Variants in TRIP12 observed in about 807,000 individuals in gnomAD.
The protein encoded by TRIP12 is thyroid hormone receptor interactor 12.
A neutral mutation model predicts 244.2 loss-of-function variants in TRIP12; 25 were observed. That is an observed-to-expected ratio of 0.10 (90% CI 0.07 to 0.14). The LOEUF (loss-of-function observed/expected upper bound fraction) is 0.14, where lower values mean the gene tolerates loss of function less well. Among genes scored for constraint, TRIP12 ranks in the 10% least tolerant of loss-of-function variants. The pLI is 1.00. For missense variants in TRIP12, 1,677 were observed against 2,486.4 expected (o/e 0.67, Z 6.92); for synonymous variants, 905 against 873.1 (o/e 1.04, Z -0.64).
chr2:229,837,071 A>G, intron 5 of TRIP12, 87 bp from the exon 6 acceptor site: 1 of 1,314,922 alleles, frequency 7.6e-7, no homozygotes, highest in Non-Finnish European at 9.8e-7. Context: ...TTCATGGAGC[A>G]CAAAGCCAGT....
intron 8 of TRIP12, among the ~76,000 whole-genome samples, chr2:229,822,458 G>A (rs1317816987): frequency 6.6e-6 from 1 of 152,172 alleles, no homozygotes. Flanking sequence ...AGAAAACAGT[G>A]ACTAGCAAGA....
intron 1 of TRIP12, among the ~76,000 whole-genome samples, chr2:229,882,303 T>A (rs1435393218): frequency 6.6e-6 from 1 of 152,194 alleles, no homozygotes; most frequent in Non-Finnish European, 1.5e-5. Flanking sequence ...TGGGAAAGGC[T>A]TCACCATAAA....
At chr2:229,917,336 G>A (rs761258481) in intron 1 of TRIP12, among the ~76,000 whole-genome samples, 15 of 116,348 alleles carry the variant, frequency 1.3e-4, no homozygotes, top group Admixed American at 6.4e-4. Flanking sequence ...AGCCAAGATC[G>A]CGCCATTGCA....
chr2:229,791,410 A>T (rs1247665987), intron 29 of TRIP12, among the ~76,000 whole-genome samples, 159 bp from the exon 30 acceptor site: 2 of 152,230 alleles, frequency 1.3e-5, no homozygotes, highest in South Asian at 4.1e-4. Flanking sequence ...AGAAGAGATC[A>T]CCTAGAGACC....
chr2:229,921,961 C>CGCGGCG lies in TRIP12; in HGVS notation c.-137_-132dup, dbSNP rs1284087685. 6.2e-5 allele frequency: 9 copies of CGCGGCG among 145,780 alleles called. No individual in the cohort carries two copies. The highest frequency in any genetic ancestry group is 2.3e-4 in the African/African-American group (9 of 39,102). 9.0% of individuals were successfully genotyped at this position (145,780 alleles called of 1,614,324 possible). A position where few individuals can be genotyped will look rare whatever the true frequency, so the allele number is the denominator to read the frequency against. On this transcript the variant is annotated 5_prime_UTR_variant, in exon 1 of 42. Transcript: ENST00000675903. ...TAGCTCCCCCCACCCCCCCCAGCGG[C>CGCGGCG]GCGGCGGCGGCGGCTCCGGGTTCCT...
intron 9 of TRIP12, among the ~76,000 whole-genome samples, chr2:229,816,338 A>C (rs911042463): frequency 3.3e-5 from 5 of 151,984 alleles, no homozygotes; most frequent in African/African-American, 4.8e-5. Flanking sequence ...AAAAAAAAAA[A>C]AAACTATCAA....
At chr2:229,860,265 C>T (rs138640407) in intron 3 of TRIP12, 141 bp downstream of exon 3, 2 of 1,049,230 alleles carry the variant, frequency 1.9e-6, no homozygotes, top group East Asian at 5.0e-5. Flanking sequence ...AGGTGATAAA[C>T]TGTCAATCCT....
intron 1 of TRIP12, among the ~76,000 whole-genome samples, chr2:229,892,476 T>G (rs1464511350): frequency 6.6e-6 from 1 of 152,136 alleles, no homozygotes; most frequent in Non-Finnish European, 1.5e-5. Flanking sequence ...TTGGAAAAAT[T>G]TCATAACTAA....
Position 229,880,258 on chromosome 2 carries a change from G to A in TRIP12, c.-49-130C>T. 3 of 612,350 alleles carry A rather than the reference G, an allele frequency of 4.9e-6. No individual in the cohort carries two copies. The South Asian group carries it at 6.2e-5, about 13-fold the overall frequency. The allele number at this position is 612,350 out of a possible 1,614,324, so 37.9% of individuals were successfully genotyped here. On this transcript the variant is annotated intron_variant, in intron 1 of 41. Coordinates refer to ENST00000675903, the MANE Select transcript of TRIP12 (RefSeq NM_001348323.3). Reference sequence around the variant, plus strand: ...TGATTTTACAGCCTTCACCCATGCTGCAATGTCTCACTGAACTGTGAAGTC... The same window carrying A: ...TGATTTTACAGCCTTCACCCATGCTACAATGTCTCACTGAACTGTGAAGTC...
intron 12 of TRIP12, 91 bp downstream of exon 12, chr2:229,814,142 A>G (rs997506994): frequency 1.3e-6 from 2 of 1,532,008 alleles, no homozygotes; most frequent in African/African-American, 2.8e-5. Context: ...TTTGTATCTT[A>G]CAAAAACTGC....
chr2:229,906,518 G>A (rs1481343609), intron 1 of TRIP12, among the ~76,000 whole-genome samples: 4 of 150,866 alleles, frequency 2.7e-5, no homozygotes, highest in Non-Finnish European at 3.0e-5. Flanking sequence ...TCAAGAGATC[G>A]AGACCATCCT....
At chr2:229,789,010 C>T (rs2040756067) in intron 31 of TRIP12, 70 bp from the exon 32 acceptor site, 2 of 1,408,216 alleles carry the variant, frequency 1.4e-6, no homozygotes, top group Non-Finnish European at 9.7e-7. Flanking sequence ...CAATCTCTTC[C>T]ATTATCCCCA....
At chr2:229,821,460 C>G (rs1016196446) in intron 8 of TRIP12, among the ~76,000 whole-genome samples, 2 of 152,116 alleles carry the variant, frequency 1.3e-5, no homozygotes, top group South Asian at 2.1e-4. Context: ...TTGGGCTTTA[C>G]AGGCATATGG....
intron 38 of TRIP12, among the ~76,000 whole-genome samples, chr2:229,772,975 A>G (rs1044461989): frequency 6.6e-6 from 1 of 152,172 alleles, no homozygotes; most frequent in Non-Finnish European, 1.5e-5. Flanking sequence ...CATTGGTAAT[A>G]AGGATCTATA....
chr2:229,819,979 A>C (rs1037141576), intron 8 of TRIP12, among the ~76,000 whole-genome samples: 6 of 152,230 alleles, frequency 3.9e-5, no homozygotes, highest in African/African-American at 1.4e-4. Flanking sequence ...AATCCATCCA[A>C]AAATACACCA....
intron 19 of TRIP12, 53 bp downstream of exon 19, chr2:229,803,946 T>A: frequency 6.8e-7 from 1 of 1,473,646 alleles, no homozygotes; most frequent in Non-Finnish European, 9.2e-7. Flanking sequence ...TTTCTGAAAT[T>A]ACTTGCAGAG....
In TRIP12 at chr2:229,778,820, G is replaced by A; in HGVS notation, c.5209+56C>T. 6.7e-7 allele frequency: 1 copy of A among 1,487,342 alleles called. No individual in the cohort carries two copies. Among genetic ancestry groups the A allele is most frequent in the Non-Finnish European group, 9.4e-7 (1 of 1,069,402 alleles). 92.1% of individuals were successfully genotyped at this position (1,487,342 alleles called of 1,614,324 possible). ...ATTAAATATGTCTAATAAACTGTCA[G>A]AGTCCATTACCTGATCTGAGTAACA... On this transcript the variant is annotated intron_variant, in intron 35 of 41. Coordinates refer to ENST00000675903, the MANE Select transcript of TRIP12 (RefSeq NM_001348323.3). The surrounding 1 kb of genome is among the most constrained non-coding windows in gnomAD (Gnocchi z 4.1).
At chr2:229,783,417 G>T (rs893473944) in intron 34 of TRIP12, among the ~76,000 whole-genome samples, 1 of 152,184 alleles carries the variant, frequency 6.6e-6, no homozygotes, top group Admixed American at 6.5e-5. Flanking sequence ...ATAATCGTAA[G>T]TGATTTATTA....
chr2:229,769,747 G>A (rs553308469), intron 39 of TRIP12, among the ~76,000 whole-genome samples: 1 of 152,244 alleles, frequency 6.6e-6, no homozygotes, highest in South Asian at 2.1e-4. Flanking sequence ...CATTGAGCTG[G>A]AGAAAGAAGT....
Sources: gnomAD v4.1 joint callset for allele counts (sites outside exome capture counted in the v4.1 genomes callset) on GRCh38, gnomAD v4.1.1 for gene constraint, Gnocchi (gnomAD v3.1) non-coding constraint, MANE v1.5 for transcripts, NCBI Gene and HGNC (gene_info 2026-07-23, HGNC 2026-07-21) for gene names.